Variants in LRRTM4 observed in about 807,000 individuals in gnomAD.
The protein encoded by LRRTM4 is leucine-rich repeat transmembrane neuronal protein 4.
In LRRTM4, 25 loss-of-function variants were observed where a neutral mutation model predicts 47.6. The ratio of observed to expected loss-of-function variants is 0.53; its 90% CI spans 0.38 to 0.73. The LOEUF is 0.73. Among genes scored for constraint, LRRTM4 ranks in the 30% least tolerant of loss-of-function variants. LRRTM4 has a pLI of 0.00. For missense variants in LRRTM4, 638 were observed against 713.4 expected (o/e 0.89, Z 1.20); for synonymous variants, 311 against 269.5 (o/e 1.15, Z -1.51).
intron 3 of LRRTM4, among the ~76,000 whole-genome samples, chr2:77,438,065 G>C (rs1159757892): frequency 4.6e-5 from 7 of 152,080 alleles, no homozygotes; most frequent in African/African-American, 1.7e-4. Context: ...TTACAGAATT[G>C]TAGTGAATAT....
intron 3 of LRRTM4, among the ~76,000 whole-genome samples, chr2:76,807,393 T>TATATAC (rs1281649225): frequency 2.5e-5 from 3 of 120,872 alleles, no homozygotes; most frequent in East Asian, 5.1e-4. Flanking sequence ...TATATATATA[T>TATATAC]ATATATGTAT....
At chr2:76,965,572 C>T (rs1675997049) in intron 3 of LRRTM4, among the ~76,000 whole-genome samples, 2 of 151,230 alleles carry the variant, frequency 1.3e-5, no homozygotes, top group South Asian at 2.1e-4. Context: ...TACATACTTG[C>T]ATATTTAACT....
intron 3 of LRRTM4, among the ~76,000 whole-genome samples, chr2:76,968,840 A>G (rs1676125654): frequency 6.6e-6 from 1 of 151,662 alleles, no homozygotes; most frequent in African/African-American, 2.4e-5. Context: ...CCCCTTTCTC[A>G]TTGATTTGTG....
intron 3 of LRRTM4, among the ~76,000 whole-genome samples, chr2:77,316,282 G>A (rs920064152): frequency 1.3e-5 from 2 of 152,102 alleles, no homozygotes; most frequent in African/African-American, 2.4e-5. Flanking sequence ...AGAATGATGC[G>A]TAAGTTCTCA....
intron 3 of LRRTM4, among the ~76,000 whole-genome samples, chr2:77,162,517 G>A (rs1672759675): frequency 6.6e-6 from 1 of 152,262 alleles, no homozygotes; most frequent in East Asian, 1.9e-4. Flanking sequence ...TGGACAGACT[G>A]CCTCCTCAAG....
chr2:76,813,426 C>A (rs1670804293), intron 3 of LRRTM4, among the ~76,000 whole-genome samples: 1 of 152,012 alleles, frequency 6.6e-6, no homozygotes, highest in Non-Finnish European at 1.5e-5. Flanking sequence ...TATAAAAGCC[C>A]AAGTCTGAAG....
chr2:77,500,064 CTTAA>C (rs1678513849), intron 3 of LRRTM4, among the ~76,000 whole-genome samples: 2 of 151,748 alleles, frequency 1.3e-5, no homozygotes, highest in Non-Finnish European at 2.9e-5. Context: ...TAAAGACACT[CTTAA>C]TTGAGTATAG....
chr2:77,204,303 T>G (rs77761082), intron 3 of LRRTM4, among the ~76,000 whole-genome samples: 1 of 152,102 alleles, frequency 6.6e-6, no homozygotes, highest in Non-Finnish European at 1.5e-5. Flanking sequence ...TGAAAATTTC[T>G]TGACTAAATC....
chr2:76,812,696 T>TTTCTTTCTTTCTTTCTTTC (rs370561225), intron 3 of LRRTM4, among the ~76,000 whole-genome samples: 24 of 96,500 alleles, frequency 2.5e-4, no homozygotes, highest in Non-Finnish European at 4.4e-4. Context: ...TCTTTCTTTC[T>TTTCTTTCTTTCTTTCTTTC]TTTCTTTCTT....
chr2:77,199,160 T>C (rs1673908974), intron 3 of LRRTM4, among the ~76,000 whole-genome samples: 1 of 152,174 alleles, frequency 6.6e-6, no homozygotes, highest in Non-Finnish European at 1.5e-5. Flanking sequence ...TAAATTGTTC[T>C]CTGAACACAT....
intron 3 of LRRTM4, among the ~76,000 whole-genome samples, chr2:77,134,775 T>C (rs1671888493): frequency 6.6e-6 from 1 of 152,110 alleles, no homozygotes; most frequent in East Asian, 1.9e-4. Context: ...GTCTTTCATG[T>C]GCAAAAAAAG....
chr2:77,045,606 C>A (rs769540607), intron 3 of LRRTM4, among the ~76,000 whole-genome samples: 11 of 151,890 alleles, frequency 7.2e-5, no homozygotes, highest in Non-Finnish European at 1.3e-4. Flanking sequence ...GTGAGTAAGT[C>A]TCACAAGATG....
intron 3 of LRRTM4, among the ~76,000 whole-genome samples, chr2:77,310,904 T>A (rs1677433979): frequency 1.3e-5 from 2 of 151,988 alleles, no homozygotes; most frequent in Non-Finnish European, 2.9e-5. Context: ...TGTGTGTGTG[T>A]GAGATATATT....
chr2:76,771,433 T>G (rs1673699826), intron 3 of LRRTM4, among the ~76,000 whole-genome samples: 1 of 152,052 alleles, frequency 6.6e-6, no homozygotes, highest in South Asian at 2.1e-4. Context: ...TGACCTTGTT[T>G]GTAAGAATGA....
intron 3 of LRRTM4, among the ~76,000 whole-genome samples, chr2:76,956,624 T>A (rs550622311): frequency 1.9e-4 from 28 of 148,746 alleles, no homozygotes; most frequent in Admixed American, 1.9e-3. Flanking sequence ...TAAGAAAAAA[T>A]AGAGAATAGA....
At chr2:77,222,519 G>C (rs1024177098) in intron 3 of LRRTM4, among the ~76,000 whole-genome samples, 1 of 152,128 alleles carries the variant, frequency 6.6e-6, no homozygotes, top group South Asian at 2.1e-4. Context: ...ATATGACAAA[G>C]AGGATATCAC....
chr2:76,874,216 C>T (rs566684940), intron 3 of LRRTM4, among the ~76,000 whole-genome samples: 2 of 151,956 alleles, frequency 1.3e-5, no homozygotes, highest in South Asian at 2.1e-4. Flanking sequence ...CATGTCTCAT[C>T]TTAGAAAACA....
At chr2:77,014,534 A>G (rs2104079368) in intron 3 of LRRTM4, among the ~76,000 whole-genome samples, 1 of 151,518 alleles carries the variant, frequency 6.6e-6, no homozygotes, top group East Asian at 1.9e-4. Flanking sequence ...TTTATAGGCC[A>G]GGTGCAGTGG....
At chr2:76,759,705 C>A (rs77785137) in intron 3 of LRRTM4, among the ~76,000 whole-genome samples, 4,597 of 152,128 alleles carry the variant, frequency 0.03, 260 homozygotes, top group African/African-American at 0.1. Flanking sequence ...GCCTTTTCCT[C>A]CTGTACTTGG....
Sources: gnomAD v4.1 joint callset for allele counts (sites outside exome capture counted in the v4.1 genomes callset) on GRCh38, gnomAD v4.1.1 for gene constraint, MANE v1.5 for transcripts, NCBI Gene and HGNC (gene_info 2026-07-23, HGNC 2026-07-21) for gene names.